Variants in TRERF1 observed in about 807,000 individuals in gnomAD.
TRERF1 encodes transcriptional regulating factor 1.
In TRERF1, 27 loss-of-function variants were observed where a neutral mutation model predicts 122.9. The ratio of observed to expected loss-of-function variants is 0.22; its 90% CI spans 0.16 to 0.30. TRERF1 has a LOEUF of 0.30. Among genes scored for constraint, TRERF1 ranks in the 10% least tolerant of loss-of-function variants. TRERF1 has a pLI of 1.00. For missense variants in TRERF1, 1,248 were observed against 1,560.3 expected (o/e 0.80, Z 3.37); for synonymous variants, 636 against 641.7 (o/e 0.99, Z 0.13).
chr6:42,329,915 G>A (rs1431349320), intron 3 of TRERF1, among the ~76,000 whole-genome samples: 1 of 152,050 alleles, frequency 6.6e-6, no homozygotes, highest in Non-Finnish European at 1.5e-5. Flanking sequence ...CATGAACCCG[G>A]GAGGCAGACC....
At chr6:42,382,081 T>C (rs1242083952) in intron 2 of TRERF1, among the ~76,000 whole-genome samples, 1 of 151,646 alleles carries the variant, frequency 6.6e-6, no homozygotes, top group Non-Finnish European at 1.5e-5. Context: ...CCCAAAATAA[T>C]GAACAGGTGA....
intron 3 of TRERF1, among the ~76,000 whole-genome samples, chr6:42,316,594 C>A (rs1407404703): frequency 6.6e-6 from 1 of 152,198 alleles, no homozygotes; most frequent in Non-Finnish European, 1.5e-5. Flanking sequence ...AGCCAGCTGT[C>A]CTCCCTCATT....
intron 3 of TRERF1, among the ~76,000 whole-genome samples, chr6:42,357,200 G>A (rs1309593417): frequency 2.0e-5 from 3 of 151,590 alleles, no homozygotes; most frequent in Admixed American, 6.6e-5. Context: ...ATGGTGGTGC[G>A]TGCCTGTAAT....
intron 3 of TRERF1, among the ~76,000 whole-genome samples, chr6:42,362,238 A>G (rs1003144292): frequency 6.6e-6 from 1 of 152,252 alleles, no homozygotes; most frequent in African/African-American, 2.4e-5. Context: ...AATCAGGCAC[A>G]ATAAAAAAGA....
At chr6:42,384,139 A>C (rs1462696003) in intron 2 of TRERF1, among the ~76,000 whole-genome samples, 1 of 152,130 alleles carries the variant, frequency 6.6e-6, no homozygotes, top group Admixed American at 6.5e-5. Context: ...TCCTACAGAC[A>C]TACTCCTATA....
At chr6:42,413,589 C>T (rs748572768) in intron 2 of TRERF1, among the ~76,000 whole-genome samples, 7 of 152,030 alleles carry the variant, frequency 4.6e-5, no homozygotes, top group Non-Finnish European at 1.0e-4. Context: ...GCCACCATGC[C>T]CAGCTAATTT....
At chr6:42,451,091 T>TC (rs1394055065) in intron 2 of TRERF1, 86 bp downstream of exon 2, 1 of 148,352 alleles carries the variant, frequency 6.7e-6, no homozygotes, top group Non-Finnish European at 1.5e-5. Context: ...CACTCTTCCC[T>TC]CCCCACTTCG....
intron 2 of TRERF1, among the ~76,000 whole-genome samples, chr6:42,441,803 G>T (rs1458000313): frequency 1.3e-5 from 2 of 152,130 alleles, no homozygotes; most frequent in Non-Finnish European, 2.9e-5. Context: ...CAAGCTCCCA[G>T]TCCAGAGGGG....
At chr6:42,254,767 T>C (rs1463332403) in intron 13 of TRERF1, 84 bp downstream of exon 13, 5 of 1,246,776 alleles carry the variant, frequency 4.0e-6, no homozygotes, top group East Asian at 4.6e-5. Context: ...ACCGGTGTTA[T>C]CCATTGCTAG....
In TRERF1 at chr6:42,268,689, T is replaced by C; in HGVS notation, c.902A>G (p.Gln301Arg). The stretch of plus-strand genomic sequence containing the variant: ...CGGCTGCTGCTGCTGTGGCGGCGGC[T>C]GTGGCTGTGATGGGCGAATTTGTTG... Residue 301 changes from glutamine to arginine, a missense_variant, in exon 5 of 18, where the codon CAG becomes CGG. Gln to Arg is a conservative substitution (Grantham distance 43, BLOSUM62 1). Transcript: ENST00000372922. The surrounding 1 kb of genome is among the most constrained non-coding windows in gnomAD (Gnocchi z 4.4). 6.2e-7 allele frequency: 1 copy of C among 1,614,132 alleles called. No individual in the cohort carries two copies. Among genetic ancestry groups the C allele is most frequent in the African/African-American group, 1.3e-5 (1 of 75,012 alleles).
At chr6:42,339,541 C>T (rs1766852365) in intron 3 of TRERF1, among the ~76,000 whole-genome samples, 1 of 152,222 alleles carries the variant, frequency 6.6e-6, no homozygotes, top group African/African-American at 2.4e-5. Context: ...CTGCAAAAAA[C>T]AATAAGCAAA....
At chr6:42,377,430 T>C (rs184007291) in intron 2 of TRERF1, among the ~76,000 whole-genome samples, 4 of 152,346 alleles carry the variant, frequency 2.6e-5, no homozygotes, top group African/African-American at 7.2e-5. Flanking sequence ...TATGGCCTTT[T>C]GTGACTGGCT....
chr6:42,246,769 C>A (rs1345570230), intron 13 of TRERF1, among the ~76,000 whole-genome samples: 1 of 152,166 alleles, frequency 6.6e-6, no homozygotes, highest in Non-Finnish European at 1.5e-5. Context: ...TTATCCTAAG[C>A]CTGTTTTGTT....
At position 42,276,986 on chromosome 6, in the gene TRERF1, G is replaced by A. The variant is rs889186914; in HGVS notation, c.-258-7138C>T. On this transcript the variant is annotated intron_variant, in intron 4 of 17. Transcript: ENST00000372922. This position sits in a 1 kb window ranked among gnomAD's most constrained non-coding sequence, Gnocchi z 4.3. ...CTCATTAGGAAATAGAGATTGGACC[G>A]ATTTCACTTTTTGGTTGTCACTGTC... is the stretch of plus-strand genomic sequence containing the variant. 2.0e-5 allele frequency among the ~76,000 whole-genome samples: 3 copies of A among 152,174 alleles called. No homozygotes were observed. Among genetic ancestry groups the A allele is most frequent in the Non-Finnish European group, 2.9e-5 (2 of 68,028 alleles).
intron 2 of TRERF1, among the ~76,000 whole-genome samples, chr6:42,416,952 T>G (rs925818315): frequency 3.9e-5 from 6 of 152,122 alleles, no homozygotes; most frequent in African/African-American, 1.4e-4. Flanking sequence ...TTTCTAAACA[T>G]AGAAAAAGAT....
intron 4 of TRERF1, among the ~76,000 whole-genome samples, chr6:42,286,134 A>G (rs1274889689): frequency 6.7e-6 from 1 of 149,000 alleles, no homozygotes; most frequent in Admixed American, 6.7e-5. Context: ...TTATACAAAA[A>G]TCAATTCAAG....
chr6:42,329,274 G>A (rs1313655043), intron 3 of TRERF1, among the ~76,000 whole-genome samples: 1 of 152,098 alleles, frequency 6.6e-6, no homozygotes, highest in Non-Finnish European at 1.5e-5. Context: ...ACTCCCTGAG[G>A]CCAGATGTCA....
rs185515919 is a variant in TRERF1, at chr6:42,321,511, T to C, written c.-370-20762A>G. 2.0e-3 allele frequency among the ~76,000 whole-genome samples: 298 copies of C among 152,350 alleles called. 1 individual carries two copies. The highest frequency in any genetic ancestry group is 6.5e-3 in the African/African-American group (272 of 41,578). ...AAAGAAAGTATCCATAGTATATTAC[T>C]TGGCTCCAAAGAGAATAACACATCA... On this transcript the variant is annotated intron_variant, in intron 3 of 17. Transcript: ENST00000372922.
At chr6:42,346,337 CACAA>C (rs1343356644) in intron 3 of TRERF1, among the ~76,000 whole-genome samples, 2 of 152,210 alleles carry the variant, frequency 1.3e-5, no homozygotes, top group African/African-American at 4.8e-5. Flanking sequence ...ACCACGTGTG[CACAA>C]ACAGCCTCCT....
Sources: gnomAD v4.1 joint callset for allele counts (sites outside exome capture counted in the v4.1 genomes callset) on GRCh38, gnomAD v4.1.1 for gene constraint, Gnocchi (gnomAD v3.1) non-coding constraint, MANE v1.5 for transcripts, NCBI Gene and HGNC (gene_info 2026-07-23, HGNC 2026-07-21) for gene names.